Variants in USP13 observed in about 807,000 individuals in gnomAD.
USP13 encodes ubiquitin carboxyl-terminal hydrolase 13.
Under a neutral mutation model 107.8 loss-of-function variants are expected in USP13, and 68 were observed. The ratio of observed to expected loss-of-function variants is 0.63; its 90% CI spans 0.52 to 0.77. The LOEUF is 0.77. Among genes scored for constraint, USP13 ranks in the 30% least tolerant of loss-of-function variants. The pLI, the probability that USP13 is intolerant of heterozygous loss-of-function variation, is 0.00. For synonymous variants in USP13, 377 were observed against 389.5 expected (o/e 0.97, Z 0.38); for missense variants, 945 against 1,093.3 (o/e 0.86, Z 1.91).
intron 15 of USP13, among the ~76,000 whole-genome samples, chr3:179,755,425 G>A (rs1714756289): frequency 6.6e-6 from 1 of 152,076 alleles, no homozygotes; most frequent in South Asian, 2.1e-4. Context: ...CTCACGAGTA[G>A]CTGGGACTAC....
At chr3:179,674,247 C>A (rs1173839329) in intron 1 of USP13, among the ~76,000 whole-genome samples, 1 of 152,150 alleles carries the variant, frequency 6.6e-6, no homozygotes, top group South Asian at 2.1e-4. Context: ...AGTGTGTGAC[C>A]AGTGGATCTG....
chr3:179,740,170 G>T, intron 10 of USP13, 77 bp from the exon 11 acceptor site: 1 of 1,573,596 alleles, frequency 6.4e-7, no homozygotes. Context: ...GTTTATGGTG[G>T]GTTCTGCTCT....
At chr3:179,760,612 A>G (rs886989903) in intron 16 of USP13, among the ~76,000 whole-genome samples, 1 of 152,230 alleles carries the variant, frequency 6.6e-6, no homozygotes, top group African/African-American at 2.4e-5. Context: ...TATAATTAAA[A>G]AACGAACTTT....
chr3:179,775,846 G>C (rs62291561), intron 19 of USP13, among the ~76,000 whole-genome samples: 11,240 of 152,156 alleles, frequency 0.074, 463 homozygotes, highest in Non-Finnish European at 0.094. Context: ...TCCTGCCTGC[G>C]CCTCTCCCTC....
intron 1 of USP13, among the ~76,000 whole-genome samples, chr3:179,668,241 C>G (rs556243722): frequency 6.2e-4 from 94 of 151,778 alleles, no homozygotes; most frequent in Admixed American, 8.5e-4. Context: ...CTCAAGTGGT[C>G]CTCCCGCCTC....
At chr3:179,719,527 G>T (rs184772986) in intron 6 of USP13, among the ~76,000 whole-genome samples, 1 of 152,134 alleles carries the variant, frequency 6.6e-6, no homozygotes, top group South Asian at 2.1e-4. Flanking sequence ...CTGTTCCCCC[G>T]GAGGTCCCCC....
chr3:179,723,989 C>T (rs1576953581), intron 8 of USP13, among the ~76,000 whole-genome samples: 1 of 148,302 alleles, frequency 6.7e-6, no homozygotes, highest in African/African-American at 2.5e-5. Context: ...CCCATCCCTA[C>T]AAAAATTTAA....
At chr3:179,701,380 C>T (rs1195364120) in intron 4 of USP13, among the ~76,000 whole-genome samples, 1 of 152,154 alleles carries the variant, frequency 6.6e-6, no homozygotes, top group African/African-American at 2.4e-5. Context: ...CTTTGTTGCT[C>T]ATTAGCTGGT....
intron 1 of USP13, 105 bp from the exon 2 acceptor site, chr3:179,681,773 G>T (rs1446288563): frequency 1.9e-5 from 27 of 1,451,826 alleles, no homozygotes; most frequent in Non-Finnish European, 2.4e-5. Flanking sequence ...GTGGCCCTTT[G>T]CCAGGCCTCG....
intron 1 of USP13, among the ~76,000 whole-genome samples, chr3:179,677,819 T>A (rs775117372): frequency 1.3e-5 from 2 of 152,168 alleles, no homozygotes; most frequent in Non-Finnish European, 2.9e-5. Context: ...AGATTAATAT[T>A]TGTTACTCCC....
At chr3:179,682,455 CTG>C (rs1254301459) in intron 2 of USP13, among the ~76,000 whole-genome samples, 2 of 152,108 alleles carry the variant, frequency 1.3e-5, no homozygotes, top group Admixed American at 6.6e-5. Context: ...TGAACTTTTT[CTG>C]TGTCATGCAT....
chr3:179,719,880 T>C (rs755999083), intron 6 of USP13, 60 bp from the exon 7 acceptor site: 41 of 1,447,668 alleles, frequency 2.8e-5, no homozygotes, highest in Non-Finnish European at 3.8e-5. Context: ...AAAAAATATG[T>C]GTTGGATATT....
At chr3:179,760,203 GTATC>G (rs1245505844) in intron 16 of USP13, among the ~76,000 whole-genome samples, 1 of 150,420 alleles carries the variant, frequency 6.6e-6, no homozygotes, top group Non-Finnish European at 1.5e-5. Context: ...ATCTCTATCA[GTATC>G]TATATGTTAT....
chr3:179,689,909 T>G (rs753824497), intron 2 of USP13, among the ~76,000 whole-genome samples: 86 of 151,984 alleles, frequency 5.7e-4, no homozygotes, highest in Non-Finnish European at 7.8e-4. Flanking sequence ...CTTTCCTGAG[T>G]TTTTCAATGT....
intron 1 of USP13, among the ~76,000 whole-genome samples, chr3:179,655,562 G>GTTT (rs144175090): frequency 8.0e-6 from 1 of 124,806 alleles, no homozygotes; most frequent in Non-Finnish European, 1.6e-5. Flanking sequence ...TTTTTGTTTT[G>GTTT]TTTTGTTTTT....
chr3:179,653,411 G>T lies in USP13; in HGVS notation c.168+18G>T. On this transcript the variant is annotated intron_variant, in intron 1 of 20. Transcript: ENST00000263966. This position sits in a 1 kb window ranked among gnomAD's most constrained non-coding sequence, Gnocchi z 4.0. ...ACTCTCCCGTAAGTGAGGCGCCTCG[G>T]GGGAGGGTCGCGGGGCCGGCGGCCT... The T allele has an allele frequency of 6.5e-7, 1 of 1,546,776 alleles. No homozygotes were observed. The highest frequency in any genetic ancestry group is 8.7e-7 in the Non-Finnish European group (1 of 1,143,702).
At chr3:179,730,878 AG>A (rs1713780128) in intron 10 of USP13, among the ~76,000 whole-genome samples, 169 bp downstream of exon 10, 1 of 152,218 alleles carries the variant, frequency 6.6e-6, no homozygotes, top group African/African-American at 2.4e-5. Context: ...AATTGTGACA[AG>A]GAATAGCCAG....
At chr3:179,709,106 T>C in intron 6 of USP13, 149 bp downstream of exon 6, 1 of 974,864 alleles carries the variant, frequency 1.0e-6, no homozygotes, top group Non-Finnish European at 1.5e-6. Context: ...AGTTTTGAGG[T>C]CTTGGGCAAG....
At position 179,787,652 on chromosome 3, in the gene USP13, T is replaced by TGGA. The variant is rs1036666911; in HGVS notation, c.*3513_*3515dup. 3 of 152,348 alleles carry TGGA rather than the reference T, an allele frequency of 2.0e-5. No individual in the cohort carries two copies. Among genetic ancestry groups the TGGA allele is most frequent in the African/African-American group, 7.2e-5 (3 of 41,552 alleles). 9.4% of individuals were successfully genotyped at this position (152,348 alleles called of 1,614,324 possible). ...TGGAGTCTCGCTGTGTTGCCAAGGC[T>TGGA]GGAGTACAGTGGTGCAATCTCAGCT... On this transcript the variant is annotated 3_prime_UTR_variant, in exon 21 of 21. Transcript: ENST00000263966.
Sources: gnomAD v4.1 joint callset for allele counts (sites outside exome capture counted in the v4.1 genomes callset) on GRCh38, gnomAD v4.1.1 for gene constraint, Gnocchi (gnomAD v3.1) non-coding constraint, MANE v1.5 for transcripts, NCBI Gene and HGNC (gene_info 2026-07-23, HGNC 2026-07-21) for gene names.